The following MACROD2 variants were observed in gnomAD, a reference collection of about 807,000 sequenced individuals.
MACROD2 encodes mono-ADP ribosylhydrolase 2.
A neutral mutation model predicts 70.4 loss-of-function variants in MACROD2; 36 were observed. The ratio of observed to expected loss-of-function variants is 0.51; its 90% CI spans 0.39 to 0.68. The LOEUF (loss-of-function observed/expected upper bound fraction) is 0.68. Among genes scored for constraint, MACROD2 ranks in the 30% least tolerant of loss-of-function variants. MACROD2 has a pLI of 0.00. For missense variants in MACROD2, 496 were observed against 538.4 expected (o/e 0.92, Z 0.78); for synonymous variants, 172 against 178.8 (o/e 0.96, Z 0.30).
At chr20:14,796,914 C>CT (rs1164602908) in intron 5 of MACROD2, among the ~76,000 whole-genome samples, 11 of 152,058 alleles carry the variant, frequency 7.2e-5, no homozygotes, top group African/African-American at 2.7e-4. Flanking sequence ...ATAGACCACA[C>CT]TTTCTCAACA....
At chr20:14,903,475 A>T (rs1198549989) in intron 5 of MACROD2, among the ~76,000 whole-genome samples, 1 of 152,134 alleles carries the variant, frequency 6.6e-6, no homozygotes, top group Non-Finnish European at 1.5e-5. Flanking sequence ...GAGTAGACTG[A>T]TGATAACACA....
At chr20:14,404,541 G>C (rs2083672509) in intron 3 of MACROD2, among the ~76,000 whole-genome samples, 1 of 151,640 alleles carries the variant, frequency 6.6e-6, no homozygotes, top group Non-Finnish European at 1.5e-5. Context: ...AGGTTGCAGT[G>C]AACAGAGATC....
intron 5 of MACROD2, among the ~76,000 whole-genome samples, chr20:14,856,488 G>T (rs1218869141): frequency 6.6e-5 from 10 of 152,100 alleles, no homozygotes; most frequent in African/African-American, 2.4e-4. Flanking sequence ...AATAAAAATT[G>T]GGCTGTTTCT....
At chr20:15,459,905 TTCTATC>T (rs1223267332) in intron 7 of MACROD2, among the ~76,000 whole-genome samples, 1 of 152,118 alleles carries the variant, frequency 6.6e-6, no homozygotes. Flanking sequence ...TCTTATGAGT[TTCTATC>T]TCTAGCCACA....
chr20:15,581,392 T>G (rs990752117), intron 8 of MACROD2, among the ~76,000 whole-genome samples: 1 of 152,222 alleles, frequency 6.6e-6, no homozygotes, highest in Admixed American at 6.5e-5. Flanking sequence ...ATTTGACCTC[T>G]CTTGATGAAA....
In MACROD2 at chr20:14,996,948, A is replaced by G. The variant is rs1005526480; in HGVS notation, c.419-232992A>G. ...TTGAAATAAATTTGCCTTTCAAAAA[A>G]ATTTGAAAGGCAATCTAGGCTACAA... On this transcript the variant is annotated intron_variant, in intron 5 of 17. Coordinates refer to ENST00000684519, the MANE Select transcript of MACROD2 (RefSeq NM_001351661.2). Among the ~76,000 whole-genome samples, 5 of 152,166 alleles carry G rather than the reference A, an allele frequency of 3.3e-5. No individual in the cohort carries two copies. In the East Asian group the frequency reaches 9.6e-4, roughly 29 times the overall value.
chr20:15,925,196 G>C (rs530457202), intron 10 of MACROD2, among the ~76,000 whole-genome samples: 1 of 152,294 alleles, frequency 6.6e-6, no homozygotes, highest in South Asian at 2.1e-4. Flanking sequence ...TCTAACCTCA[G>C]TTGTACCATG....
intron 3 of MACROD2, among the ~76,000 whole-genome samples, chr20:14,395,045 C>T (rs2083567177): frequency 6.6e-6 from 1 of 151,890 alleles, no homozygotes. Context: ...CTAAAGCTTT[C>T]TTTTTTTAAA....
Position 15,550,529 on chromosome 20 carries a change from T to C in MACROD2, c.645+50682T>C, listed in dbSNP as rs73100224. Among the ~76,000 whole-genome samples the C allele has an allele frequency of 7.4e-3, 1,125 of 152,216 alleles. 5 individuals carry two copies. Among genetic ancestry groups the C allele is most frequent in the South Asian group, 0.015 (73 of 4,828 alleles). On this transcript the variant is annotated intron_variant, in intron 8 of 17. Transcript: ENST00000684519. ...TCCGTTACCAGGATGGTGTCCTCCATATTTTTTATTGTATCACTTTTTTAT... is the reference window on the plus strand; with the variant it reads ...TCCGTTACCAGGATGGTGTCCTCCACATTTTTTATTGTATCACTTTTTTAT...
At chr20:15,896,304 A>G (rs886521383) in intron 10 of MACROD2, among the ~76,000 whole-genome samples, 2 of 152,182 alleles carry the variant, frequency 1.3e-5, no homozygotes, top group Non-Finnish European at 2.9e-5. Flanking sequence ...CCTCACAGGT[A>G]CTACTGATTT....
intron 6 of MACROD2, among the ~76,000 whole-genome samples, chr20:15,293,557 AG>A (rs1289245334): frequency 2.0e-5 from 3 of 152,224 alleles, no homozygotes; most frequent in Admixed American, 6.5e-5. Flanking sequence ...AAGCAGAAAA[AG>A]TTTGCATGAT....
chr20:14,357,635 C>A (rs1427064163), intron 3 of MACROD2, among the ~76,000 whole-genome samples: 1 of 152,104 alleles, frequency 6.6e-6, no homozygotes, highest in Non-Finnish European at 1.5e-5. Context: ...CCTTAGACAC[C>A]AAATACAGCC....
At chr20:15,877,432 A>G (rs545937168) in intron 9 of MACROD2, among the ~76,000 whole-genome samples, 17 of 152,146 alleles carry the variant, frequency 1.1e-4, no homozygotes, top group Admixed American at 7.2e-4. Flanking sequence ...GCCAAGGATC[A>G]GTTGAAGGAA....
chr20:14,838,821 C>G (rs1027804720), intron 5 of MACROD2, among the ~76,000 whole-genome samples: 1 of 152,116 alleles, frequency 6.6e-6, no homozygotes, highest in East Asian at 1.9e-4. Flanking sequence ...AAAGGGATGG[C>G]GTAGATTAAA....
At chr20:14,487,844 G>A (rs759054506) in intron 3 of MACROD2, among the ~76,000 whole-genome samples, 7 of 151,838 alleles carry the variant, frequency 4.6e-5, no homozygotes, top group Non-Finnish European at 8.8e-5. Context: ...TTATTTTTTG[G>A]CCTATTTGTT....
At chr20:14,256,639 T>C (rs1043304779) in intron 3 of MACROD2, among the ~76,000 whole-genome samples, 2 of 152,168 alleles carry the variant, frequency 1.3e-5, no homozygotes, top group Non-Finnish European at 1.5e-5. Flanking sequence ...TGCTAGCCTA[T>C]TTAAGACCTT....
chr20:14,532,224 T>C (rs2085314754), intron 4 of MACROD2, among the ~76,000 whole-genome samples: 1 of 149,928 alleles, frequency 6.7e-6, no homozygotes, highest in South Asian at 2.1e-4. Flanking sequence ...TAATCTTTTT[T>C]TTTTTTTTTT....
At chr20:14,814,904 C>T (rs1199061334) in intron 5 of MACROD2, among the ~76,000 whole-genome samples, 4 of 148,378 alleles carry the variant, frequency 2.7e-5, no homozygotes, top group Non-Finnish European at 6.0e-5. Context: ...GATGAAAGGA[C>T]ATGCATTGAA....
At chr20:15,785,889 A>G (rs2051917093) in intron 8 of MACROD2, among the ~76,000 whole-genome samples, 1 of 152,340 alleles carries the variant, frequency 6.6e-6, no homozygotes, top group East Asian at 1.9e-4. Flanking sequence ...AAGGGATATT[A>G]ATATAAAGCA....
Sources: gnomAD v4.1 joint callset for allele counts (sites outside exome capture counted in the v4.1 genomes callset) on GRCh38, gnomAD v4.1.1 for gene constraint, MANE v1.5 for transcripts, NCBI Gene and HGNC (gene_info 2026-07-23, HGNC 2026-07-21) for gene names.